The following ZFAND3 variants were observed in gnomAD, a reference collection of about 807,000 sequenced individuals.
The protein encoded by ZFAND3 is zinc finger AN1-type containing 3.
Under a neutral mutation model 29.6 loss-of-function variants are expected in ZFAND3, and 10 were observed. That is an observed-to-expected ratio of 0.34 (90% CI 0.21 to 0.57). ZFAND3 has a LOEUF of 0.57. Among genes scored for constraint, ZFAND3 ranks in the 20% least tolerant of loss-of-function variants. ZFAND3 has a pLI of 0.86. For synonymous variants in ZFAND3, 128 were observed against 112.6 expected, an observed-to-expected ratio of 1.14 and a Z score of -0.87; for missense variants, 230 against 304.5, an observed-to-expected ratio of 0.76 and a Z score of 1.82.
intron 2 of ZFAND3, among the ~76,000 whole-genome samples, chr6:37,942,913 G>A (rs1467003772): frequency 6.6e-6 from 1 of 152,100 alleles, no homozygotes; most frequent in African/African-American, 2.4e-5. Context: ...TGAAGAAAAA[G>A]TGGGACTGTA....
chr6:37,966,453 C>T (rs534120659), intron 2 of ZFAND3, among the ~76,000 whole-genome samples: 85 of 152,314 alleles, frequency 5.6e-4, no homozygotes, highest in Non-Finnish European at 1.0e-3. Context: ...CCTCATTATT[C>T]ACTGAGCAGA....
At chr6:37,854,122 T>C (rs1473603283) in intron 1 of ZFAND3, among the ~76,000 whole-genome samples, 1 of 152,068 alleles carries the variant, frequency 6.6e-6, no homozygotes, top group African/African-American at 2.4e-5. Context: ...TAGCTAATTT[T>C]GTATTTTTAG....
chr6:37,948,712 C>T (rs947375835), intron 2 of ZFAND3, among the ~76,000 whole-genome samples: 1 of 152,106 alleles, frequency 6.6e-6, no homozygotes, highest in African/African-American at 2.4e-5. Flanking sequence ...TGTGGTATTT[C>T]GTTTTCTGTT....
chr6:37,830,019 A>G (rs894200221), intron 1 of ZFAND3, among the ~76,000 whole-genome samples: 1 of 152,212 alleles, frequency 6.6e-6, no homozygotes, highest in Non-Finnish European at 1.5e-5. Flanking sequence ...CTAGGATTAT[A>G]TATTCTAATA....
chr6:37,880,539 C>G (rs192338386), intron 1 of ZFAND3, among the ~76,000 whole-genome samples: 30 of 152,172 alleles, frequency 2.0e-4, no homozygotes, highest in East Asian at 5.8e-4. Context: ...TGAGATACCC[C>G]CTCTGAACCA....
At chr6:38,080,023 CA>C (rs1352141015) in intron 3 of ZFAND3, among the ~76,000 whole-genome samples, 1 of 148,814 alleles carries the variant, frequency 6.7e-6, no homozygotes, top group African/African-American at 2.5e-5. Flanking sequence ...TGCATTCTCT[CA>C]AATGTTACAC....
chr6:38,012,040 A>G (rs1281826785), intron 2 of ZFAND3, among the ~76,000 whole-genome samples: 1 of 152,216 alleles, frequency 6.6e-6, no homozygotes, highest in Non-Finnish European at 1.5e-5. Context: ...CTGTAATAGT[A>G]TTCAGAATTG....
At chr6:37,860,370 T>C (rs1480881792) in intron 1 of ZFAND3, among the ~76,000 whole-genome samples, 1 of 152,090 alleles carries the variant, frequency 6.6e-6, no homozygotes, top group African/African-American at 2.4e-5. Flanking sequence ...TTCCAGAATT[T>C]CAAAAATTTG....
Position 38,153,571 on chromosome 6 carries a change from T to C in ZFAND3, c.*1182T>C, listed in dbSNP as rs920934697. 1 of 985,364 alleles carries C rather than the reference T, an allele frequency of 1.0e-6. No homozygotes were observed. Among genetic ancestry groups the C allele is most frequent in the Admixed American group, 6.1e-5 (1 of 16,268 alleles). 61.0% of individuals were successfully genotyped at this position (985,364 alleles called of 1,614,324 possible). A position where few individuals can be genotyped will look rare whatever the true frequency, so the allele number is the denominator to read the frequency against. On this transcript the variant is annotated 3_prime_UTR_variant, in exon 6 of 6. Transcript: ENST00000287218. ...CTGTGGCCCAGCTCCGAGAGTGATA[T>C]TTGCTCTGGTAGGTGAGGGCCTGAG...
chr6:37,821,900 C>G (rs1259946929), intron 1 of ZFAND3, among the ~76,000 whole-genome samples: 1 of 152,196 alleles, frequency 6.6e-6, no homozygotes, highest in African/African-American at 2.4e-5. Context: ...GTGGCGTGAT[C>G]TCGACTTACT....
chr6:38,144,231 A>ATAATATATATATATATT (rs1365246829), intron 5 of ZFAND3, among the ~76,000 whole-genome samples: 3 of 75,256 alleles, frequency 4.0e-5, no homozygotes, highest in African/African-American at 1.3e-4. Flanking sequence ...ATATATATAT[A>ATAATATATATATATATT]TTTTTTTTTT....
chr6:37,996,898 A>T (rs1421059957), intron 2 of ZFAND3, among the ~76,000 whole-genome samples: 1 of 151,728 alleles, frequency 6.6e-6, no homozygotes, highest in East Asian at 1.9e-4. Flanking sequence ...ATCTTTTGGG[A>T]TTGTTTTGGT....
At chr6:38,124,288 C>G (rs992656118) in intron 5 of ZFAND3, among the ~76,000 whole-genome samples, 1 of 152,252 alleles carries the variant, frequency 6.6e-6, no homozygotes, top group Non-Finnish European at 1.5e-5. Flanking sequence ...GCACTGGAGC[C>G]GCAGGTGGAG....
chr6:38,093,063 A>G (rs915613656), intron 4 of ZFAND3, among the ~76,000 whole-genome samples: 3 of 152,210 alleles, frequency 2.0e-5, no homozygotes, highest in Admixed American at 6.5e-5. Context: ...ACTAAGAATT[A>G]ATGTTATAGG....
intron 5 of ZFAND3, among the ~76,000 whole-genome samples, chr6:38,121,325 C>T (rs1765529802): frequency 6.6e-6 from 1 of 152,236 alleles, no homozygotes; most frequent in African/African-American, 2.4e-5. Flanking sequence ...TACAGTGAGT[C>T]TTGGTCACAC....
intron 2 of ZFAND3, among the ~76,000 whole-genome samples, chr6:38,000,161 A>G (rs912787003): frequency 1.3e-5 from 2 of 152,218 alleles, no homozygotes; most frequent in African/African-American, 4.8e-5. Context: ...AAACAAACCA[A>G]AAAACTTACT....
At chr6:38,047,522 A>G (rs1055780401) in intron 2 of ZFAND3, among the ~76,000 whole-genome samples, 1 of 152,154 alleles carries the variant, frequency 6.6e-6, no homozygotes, top group African/African-American at 2.4e-5. Flanking sequence ...TTTTCTGTGC[A>G]CACACACTAT....
At chr6:38,027,645 T>C (rs1581850782) in intron 2 of ZFAND3, among the ~76,000 whole-genome samples, 1 of 152,330 alleles carries the variant, frequency 6.6e-6, no homozygotes, top group Admixed American at 6.5e-5. Context: ...AGCAAAATTT[T>C]GAAGAAAAAC....
At chr6:37,977,828 T>TTTTCTTTC (rs70981515) in intron 2 of ZFAND3, among the ~76,000 whole-genome samples, 25 of 76,434 alleles carry the variant, frequency 3.3e-4, no homozygotes, top group Middle Eastern at 7.4e-3. Context: ...GTAAAATGCT[T>TTTTCTTTC]TTCCTTCCTT....
Sources: allele counts gnomAD v4.1 joint callset (sites outside exome capture counted in the v4.1 genomes callset), GRCh38; gene constraint gnomAD v4.1.1; transcripts MANE v1.5; gene names NCBI Gene and HGNC (gene_info 2026-07-23, HGNC 2026-07-21).